The following GPM6B variants were observed in gnomAD, a reference collection of about 807,000 sequenced individuals.
GPM6B encodes neuronal membrane glycoprotein M6-b.
Under a neutral mutation model 27.2 loss-of-function variants are expected in GPM6B, and 4 were observed. The ratio of observed to expected loss-of-function variants is 0.15; its 90% confidence interval spans 0.07 to 0.34. The LOEUF (loss-of-function observed/expected upper bound fraction) is 0.34, where lower values mean the gene tolerates loss of function less well. Ranked by LOEUF, GPM6B falls within the 10% of genes least tolerant of loss-of-function variation. The pLI is 1.00. For synonymous variants in GPM6B, 124 were observed against 103.1 expected (o/e 1.20, Z -1.23); for missense variants, 183 against 261.9 (o/e 0.70, Z 2.08).
intron 1 of GPM6B, among the ~76,000 whole-genome samples, chrX:13,847,495 C>G (rs184972603): frequency 9.0e-6 from 1 of 111,707 alleles, no homozygotes; most frequent in East Asian, 2.8e-4. Context: ...CCTATTGAGC[C>G]TCCTCCTCAG....
intron 1 of GPM6B, chrX:13,938,264 T>C (rs1468646379): frequency 1.2e-5 from 3 of 259,177 alleles, no homozygotes; most frequent in African/African-American, 3.0e-5. Flanking sequence ...CGTGCGGGGG[T>C]GCAGCCTGGC....
intron 1 of GPM6B, among the ~76,000 whole-genome samples, chrX:13,886,045 ATATGT>A (rs1213523167): frequency 8.9e-6 from 1 of 112,569 alleles, no homozygotes; most frequent in Non-Finnish European, 1.9e-5. Flanking sequence ...TATACTTGTA[ATATGT>A]TAAGTTAGCA....
At chrX:13,907,030 T>C (rs147036118) in intron 1 of GPM6B, among the ~76,000 whole-genome samples, 190 of 112,702 alleles carry the variant, frequency 1.7e-3, no homozygotes, top group Middle Eastern at 4.6e-3. Flanking sequence ...ATAGTCTCTA[T>C]GCTTTTTCTG....
intron 5 of GPM6B, among the ~76,000 whole-genome samples, chrX:13,779,103 T>TC (rs2048468410): frequency 9.0e-6 from 1 of 110,936 alleles, no homozygotes; most frequent in South Asian, 3.9e-4. Flanking sequence ...ATTAGACTCC[T>TC]CCCTCAGGAT....
intron 1 of GPM6B, among the ~76,000 whole-genome samples, chrX:13,822,451 T>C (rs761556668): frequency 9.9e-5 from 11 of 111,041 alleles, no homozygotes; most frequent in East Asian, 5.6e-4. Flanking sequence ...CTGTAACCTC[T>C]GCCTCCCAGG....
At chrX:13,883,832 C>T (rs1156346501) in intron 1 of GPM6B, among the ~76,000 whole-genome samples, 1 of 102,324 alleles carries the variant, frequency 9.8e-6, no homozygotes, top group Non-Finnish European at 2.0e-5. Flanking sequence ...TGGGCGATAG[C>T]GTGAGACCCT....
At position 13,924,506 on chromosome X, in the gene GPM6B, T is replaced by C. The variant is rs561343530; in HGVS notation, c.-198+13821A>G. ...TTAATAGAAACAGGGCCTCATCATGTTTCCTAGGCTGGTCTCAAACTGCTA... is the reference window on the plus strand; with the variant it reads ...TTAATAGAAACAGGGCCTCATCATGCTTCCTAGGCTGGTCTCAAACTGCTA... On this transcript the variant is annotated intron_variant, in intron 1 of 6. Coordinates refer to the GPM6B transcript ENST00000398361. Among the ~76,000 whole-genome samples the C allele has an allele frequency of 7.8e-4, 87 of 110,886 alleles. 1 individual carries two copies. In the South Asian group the frequency reaches 0.033, roughly 42 times the overall value.
intron 1 of GPM6B, among the ~76,000 whole-genome samples, chrX:13,866,170 C>A (rs1217046478): frequency 1.8e-5 from 2 of 111,658 alleles, no homozygotes; most frequent in Admixed American, 9.5e-5. Flanking sequence ...TTGAGACCAG[C>A]CTGACCAACA....
upstream of GPM6B, among the ~76,000 whole-genome samples, chrX:13,821,189 A>G (rs1371575896): frequency 8.9e-6 from 1 of 111,786 alleles, no homozygotes; most frequent in Non-Finnish European, 1.9e-5. Context: ...AGGATATAAC[A>G]CTTCCCAGTC....
intron 1 of GPM6B, among the ~76,000 whole-genome samples, chrX:13,865,542 CAAAA>C (rs1171503867): frequency 5.0e-3 from 73 of 14,630 alleles, no homozygotes; most frequent in African/African-American, 0.012. Context: ...TCCATCTCTT[CAAAA>C]AAAAAAAAAA....
chrX:13,852,269 T>C (rs1490291668), intron 1 of GPM6B, among the ~76,000 whole-genome samples: 3 of 111,642 alleles, frequency 2.7e-5, no homozygotes, highest in Admixed American at 9.5e-5. Context: ...GGCTGACTCA[T>C]GGGCCATACC....
At chrX:13,816,694 C>G in intron 1 of GPM6B, 150 bp downstream of exon 1, 1 of 634,041 alleles carries the variant, frequency 1.6e-6, no homozygotes, top group African/African-American at 2.2e-5. Context: ...TTAACATCAG[C>G]CCACAGGAAA....
At chrX:13,822,363 ATTTTTT>A (rs58011078) in intron 1 of GPM6B, among the ~76,000 whole-genome samples, 1 of 102,254 alleles carries the variant, frequency 9.8e-6, no homozygotes, top group African/African-American at 3.5e-5. Flanking sequence ...AGTGACTCCT[ATTTTTT>A]TTTTTTCTTT....
intron 1 of GPM6B, among the ~76,000 whole-genome samples, chrX:13,918,934 C>T (rs1165066425): frequency 1.8e-5 from 2 of 112,054 alleles, no homozygotes; most frequent in Non-Finnish European, 3.8e-5. Flanking sequence ...ATTACATTTC[C>T]ATATGAGATT....
At chrX:13,900,983 C>T (rs2050277098) in intron 1 of GPM6B, among the ~76,000 whole-genome samples, 1 of 111,958 alleles carries the variant, frequency 8.9e-6, no homozygotes, top group Non-Finnish European at 1.9e-5. Context: ...AGGCTATATG[C>T]AAACCCCTGT....
At chrX:13,918,790 G>A (rs2050451508) in intron 1 of GPM6B, among the ~76,000 whole-genome samples, 1 of 110,903 alleles carries the variant, frequency 9.0e-6, no homozygotes, top group South Asian at 3.9e-4. Context: ...GAGCAGGGAG[G>A]TGCCAAACAC....
chrX:13,904,561 A>G (rs2050311009), intron 1 of GPM6B, among the ~76,000 whole-genome samples: 1 of 111,509 alleles, frequency 9.0e-6, no homozygotes, highest in African/African-American at 3.3e-5. Flanking sequence ...TTATATCGAC[A>G]CAGAGCCCCA....
At chrX:13,891,925 G>A (rs1312249139) in intron 1 of GPM6B, among the ~76,000 whole-genome samples, 2 of 111,749 alleles carry the variant, frequency 1.8e-5, no homozygotes, top group South Asian at 3.8e-4. Context: ...CTGCCAAATA[G>A]GAGTCACAGA....
At chrX:13,779,770 G>A (rs376813000) in intron 5 of GPM6B, 48 bp downstream of exon 5, 25 of 1,042,094 alleles carry the variant, frequency 2.4e-5, no homozygotes, top group African/African-American at 5.5e-5. Flanking sequence ...ACATATGCAC[G>A]AGAGGATAAT....
Sources: gnomAD v4.1 joint callset for allele counts (sites outside exome capture counted in the v4.1 genomes callset) on GRCh38, gnomAD v4.1.1 for gene constraint, MANE v1.5 for transcripts, NCBI Gene and HGNC (gene_info 2026-07-23, HGNC 2026-07-21) for gene names.